The following DAB1 variants were observed in gnomAD, a reference collection of about 807,000 sequenced individuals.
The protein encoded by DAB1 is DAB adaptor protein 1.
Under a neutral mutation model 64.6 loss-of-function variants are expected in DAB1, and 15 were observed. The observed-to-expected ratio is 0.23, with a 90% CI of 0.16 to 0.36. The LOEUF is 0.36. Ranked by LOEUF, DAB1 falls within the 10% of genes least tolerant of loss-of-function variation. DAB1 has a pLI of 1.00. For synonymous variants in DAB1, 235 were observed against 251.9 expected (o/e 0.93, Z 0.64); for missense variants, 596 against 706.7 (o/e 0.84, Z 1.78).
chr1:57,209,079 C>T (rs892879828), intron 2 of DAB1, among the ~76,000 whole-genome samples: 1 of 152,192 alleles, frequency 6.6e-6, no homozygotes, highest in African/African-American at 2.4e-5. Context: ...CATCACTTGG[C>T]ACAGGGCCTG....
At chr1:56,999,876 A>C (rs1026037333) in intron 14 of DAB1, among the ~76,000 whole-genome samples, 15 of 152,124 alleles carry the variant, frequency 9.9e-5, no homozygotes, top group Admixed American at 5.9e-4. Context: ...GCAGTGTAAC[A>C]AAGTGCCAAC....
At chr1:57,233,066 G>A (rs1394502424) in intron 2 of DAB1, among the ~76,000 whole-genome samples, 4 of 151,926 alleles carry the variant, frequency 2.6e-5, no homozygotes, top group African/African-American at 9.7e-5. Context: ...TAAAAATAAA[G>A]CTGAGTAGGA....
At chr1:58,286,500 G>T (rs1274790887) in intron 4 of DAB1, among the ~76,000 whole-genome samples, 3 of 152,082 alleles carry the variant, frequency 2.0e-5, no homozygotes, top group African/African-American at 7.2e-5. Context: ...TTGAAAAGTG[G>T]ACAAAGGACA....
chr1:57,935,107 C>T (rs2102042721), intron 5 of DAB1, among the ~76,000 whole-genome samples: 1 of 152,290 alleles, frequency 6.6e-6, no homozygotes, highest in African/African-American at 2.4e-5. Flanking sequence ...TAACGCCTGC[C>T]ACAGAGGATA....
At chr1:57,591,208 T>C (rs1012001963) in intron 7 of DAB1, among the ~76,000 whole-genome samples, 1 of 152,204 alleles carries the variant, frequency 6.6e-6, no homozygotes, top group Non-Finnish European at 1.5e-5. Context: ...CCATTCCTTA[T>C]TGGCTGTGTG....
At chr1:57,256,589 C>T (rs1669779621) in intron 2 of DAB1, among the ~76,000 whole-genome samples, 1 of 152,246 alleles carries the variant, frequency 6.6e-6, no homozygotes, top group African/African-American at 2.4e-5. Flanking sequence ...CCTGCTCTTA[C>T]ACATGTGACA....
chr1:58,428,502 C>T (rs1557757354), intron 3 of DAB1, among the ~76,000 whole-genome samples: 1 of 152,134 alleles, frequency 6.6e-6, no homozygotes, highest in Non-Finnish European at 1.5e-5. Context: ...AGCTATATGT[C>T]AACTGAATGT....
At chr1:58,143,084 T>A (rs1403913024) in intron 5 of DAB1, among the ~76,000 whole-genome samples, 1 of 152,180 alleles carries the variant, frequency 6.6e-6, no homozygotes, top group African/African-American at 2.4e-5. Flanking sequence ...TGAGTTTCAG[T>A]AGGCCCTCCA....
chr1:57,262,017 A>C (rs1670220029), intron 2 of DAB1, among the ~76,000 whole-genome samples: 1 of 152,122 alleles, frequency 6.6e-6, no homozygotes. Context: ...CGGTTGGAGG[A>C]GGGAGGAGAG....
intron 5 of DAB1, among the ~76,000 whole-genome samples, chr1:58,090,224 C>T (rs1014986104): frequency 1.3e-5 from 2 of 150,566 alleles, no homozygotes; most frequent in Admixed American, 1.3e-4. Context: ...AGGAAAAAAT[C>T]CATTTAAACA....
In DAB1 at chr1:58,118,469, CATATATAT is replaced by C. The variant is rs370100684; in HGVS notation, n.387+32034_387+32041del. 3.6e-3 allele frequency among the ~76,000 whole-genome samples: 80 copies of C among 22,032 alleles called. 2 individuals carry two copies. The highest frequency in any genetic ancestry group is 0.012 in the South Asian group (7 of 578). The allele number at this position is 22,032 out of a possible 152,430, so 14.5% of individuals were successfully genotyped here. A position where few individuals can be genotyped will look rare whatever the true frequency, so the allele number is the denominator to read the frequency against. On this transcript the variant is annotated intron_variant and non_coding_transcript_variant, in intron 5 of 20. Coordinates refer to the DAB1 transcript ENST00000485760. The stretch of plus-strand genomic sequence containing the variant: ...CATGATGCCAGGCACTATCCTAAGG[CATATATAT>C]ATATATATATATATATATATATATA...
intron 6 of DAB1, among the ~76,000 whole-genome samples, chr1:57,798,976 A>G (rs1218661339): frequency 6.6e-6 from 1 of 152,214 alleles, no homozygotes; most frequent in Non-Finnish European, 1.5e-5. Context: ...CATGCAAGAA[A>G]ATATTCAATA....
chr1:58,439,790 G>A (rs1334029282), intron 3 of DAB1, among the ~76,000 whole-genome samples: 12 of 152,274 alleles, frequency 7.9e-5, no homozygotes, highest in South Asian at 2.1e-4. Flanking sequence ...GTTGAGGCCC[G>A]TCTGTATAAA....
chr1:57,897,729 G>A (rs12094691), intron 5 of DAB1, among the ~76,000 whole-genome samples: 1,583 of 152,206 alleles, frequency 0.01, 33 homozygotes, highest in African/African-American at 0.037. Context: ...ACTCCTTGTA[G>A]GGAATGCAGG....
chr1:58,406,362 T>C (rs1410532478), intron 3 of DAB1, among the ~76,000 whole-genome samples: 3 of 152,340 alleles, frequency 2.0e-5, no homozygotes, highest in East Asian at 1.9e-4. Context: ...CCACCTGTAA[T>C]TGGCACAGCC....
chr1:57,967,197 G>A (rs1269475786), intron 5 of DAB1, among the ~76,000 whole-genome samples: 1 of 152,142 alleles, frequency 6.6e-6, no homozygotes, highest in African/African-American at 2.4e-5. Context: ...CAAGGTGCTG[G>A]CCAGACTGTC....
intron 4 of DAB1, chr1:58,228,532 G>T (rs1659610989): frequency 8.0e-6 from 3 of 373,638 alleles, no homozygotes; most frequent in Non-Finnish European, 1.5e-5. Flanking sequence ...TGGTACACTT[G>T]GTCCATTATC....
intron 1 of DAB1, among the ~76,000 whole-genome samples, chr1:57,839,392 T>C (rs1377137915): frequency 6.6e-6 from 1 of 152,238 alleles, no homozygotes; most frequent in South Asian, 2.1e-4. Flanking sequence ...AGATCTCTCC[T>C]ATTCTTCTCT....
chr1:57,269,018 C>T (rs1670789033), intron 2 of DAB1, among the ~76,000 whole-genome samples: 1 of 152,090 alleles, frequency 6.6e-6, no homozygotes. Flanking sequence ...TGGAAGGTGG[C>T]TGGGGCTGTG....
Sources: gnomAD v4.1 joint callset for allele counts (sites outside exome capture counted in the v4.1 genomes callset) on GRCh38, gnomAD v4.1.1 for gene constraint, MANE v1.5 for transcripts, NCBI Gene and HGNC (gene_info 2026-07-23, HGNC 2026-07-21) for gene names.